The following TACR3 variants were observed in gnomAD, a reference collection of about 807,000 sequenced individuals.
TACR3 encodes the protein neuromedin-K receptor.
TACR3 carries 34 observed loss-of-function variants against 35.0 expected under a neutral mutation model. The observed-to-expected ratio is 0.97, with a 90% CI of 0.74 to 1.30. TACR3 has a LOEUF of 1.30. Among genes scored for constraint, TACR3 ranks in the 50% most tolerant of loss-of-function variants. The pLI is 0.00. For synonymous variants in TACR3, 233 were observed against 221.1 expected, an observed-to-expected ratio of 1.05 and a Z score of -0.48; for missense variants, 558 against 591.7, an observed-to-expected ratio of 0.94 and a Z score of 0.59.
intron 1 of TACR3, among the ~76,000 whole-genome samples, chr4:103,664,697 T>C (rs2110333527): frequency 6.6e-6 from 1 of 152,308 alleles, no homozygotes; most frequent in East Asian, 1.9e-4. Context: ...AGTGCTAGGG[T>C]ATTTTCTGCT....
intron 1 of TACR3, among the ~76,000 whole-genome samples, chr4:103,712,691 C>G (rs372887386): frequency 6.6e-6 from 1 of 151,970 alleles, no homozygotes; most frequent in African/African-American, 2.4e-5. Flanking sequence ...ACAGGCAACC[C>G]ACAGAATGGG....
intron 1 of TACR3, among the ~76,000 whole-genome samples, chr4:103,707,728 G>A (rs569442228): frequency 1.3e-5 from 2 of 152,224 alleles, no homozygotes; most frequent in African/African-American, 4.8e-5. Flanking sequence ...GAAGCACAAG[G>A]GGTCAGGGAA....
intron 3 of TACR3, among the ~76,000 whole-genome samples, chr4:103,606,343 T>C (rs1724362507): frequency 6.6e-6 from 1 of 152,152 alleles, no homozygotes; most frequent in East Asian, 1.9e-4. Flanking sequence ...TTAAAGTAGT[T>C]TTTTCCAATT....
intron 1 of TACR3, among the ~76,000 whole-genome samples, chr4:103,712,077 A>G (rs1430794165): frequency 6.6e-6 from 1 of 152,184 alleles, no homozygotes; most frequent in Non-Finnish European, 1.5e-5. Flanking sequence ...GCCCAAGGTA[A>G]TTTATAGATT....
rs886058978 is a variant in TACR3 at position 103,719,761 on chromosome 4, G to T, written c.-86C>A. 1.3e-6 allele frequency: 2 copies of T among 1,533,678 alleles called. No individual in the cohort carries two copies. The highest frequency in any genetic ancestry group is 1.8e-6 in the Non-Finnish European group (2 of 1,130,206). On this transcript the variant is annotated 5_prime_UTR_variant, in exon 1 of 5. Transcript: ENST00000304883. ...CCTCTGAAGTTCTTCTCTGCCTCCT[G>T]GTCACTTTGGTGCCGGAGTCTTCAG...
chr4:103,591,953 A>G (rs932230912), intron 3 of TACR3, among the ~76,000 whole-genome samples: 15 of 152,196 alleles, frequency 9.9e-5, no homozygotes, highest in Admixed American at 9.2e-4. Flanking sequence ...TGGCCTGAAG[A>G]AAATCAGTGT....
intron 1 of TACR3, among the ~76,000 whole-genome samples, chr4:103,717,514 A>G (rs1723115370): frequency 6.6e-6 from 1 of 152,208 alleles, no homozygotes; most frequent in Non-Finnish European, 1.5e-5. Flanking sequence ...AATTGGAAAG[A>G]GAAAAATACA....
chr4:103,615,636 A>G (rs1056168888), intron 3 of TACR3, among the ~76,000 whole-genome samples: 1 of 152,178 alleles, frequency 6.6e-6, no homozygotes, highest in East Asian at 1.9e-4. Flanking sequence ...AGAAAGAAAA[A>G]GACTAAATGT....
intron 3 of TACR3, among the ~76,000 whole-genome samples, chr4:103,638,247 G>C (rs1349319755): frequency 6.6e-6 from 1 of 151,096 alleles, no homozygotes. Flanking sequence ...CAGAGATATA[G>C]ACCAATGGAA....
At chr4:103,698,201 T>C (rs1286685096) in intron 1 of TACR3, among the ~76,000 whole-genome samples, 1 of 138,674 alleles carries the variant, frequency 7.2e-6, no homozygotes, top group Non-Finnish European at 1.5e-5. Flanking sequence ...TAGTTAGCTA[T>C]GGGAAAAAAA....
intron 3 of TACR3, chr4:103,624,194 T>C (rs994839387): frequency 5.3e-5 from 8 of 152,180 alleles, no homozygotes; most frequent in African/African-American, 1.7e-4. Context: ...TCTTTTATGA[T>C]GCTGTTTTTC....
intron 3 of TACR3, among the ~76,000 whole-genome samples, chr4:103,635,154 A>G (rs1219933147): frequency 1.3e-5 from 2 of 152,020 alleles, no homozygotes; most frequent in Admixed American, 6.6e-5. Context: ...ACTACTACAT[A>G]TAAACATGAC....
At chr4:103,636,161 C>A (rs952605590) in intron 3 of TACR3, among the ~76,000 whole-genome samples, 1 of 151,294 alleles carries the variant, frequency 6.6e-6, no homozygotes, top group African/African-American at 2.4e-5. Flanking sequence ...GGTTAATTAA[C>A]TAAGGAGAAT....
At position 103,587,508 on chromosome 4, in the gene TACR3, A is replaced by G. The variant is rs1723793045; in HGVS notation, c.*2174T>C. ...AGGCCAGTATTTTTCCTTAGAAATA[A>G]ATGTCTTAGAAAATTCTACTGAATT... On this transcript the variant is annotated 3_prime_UTR_variant, in exon 5 of 5. Transcript: ENST00000304883. 1 of 152,094 alleles carries G rather than the reference A, an allele frequency of 6.6e-6. No homozygotes were observed. Among genetic ancestry groups the G allele is most frequent in the Non-Finnish European group, 1.5e-5 (1 of 67,990 alleles). 9.4% of individuals were successfully genotyped at this position (152,094 alleles called of 1,614,324 possible). A position where few individuals can be genotyped will look rare whatever the true frequency, so the allele number is the denominator to read the frequency against.
At chr4:103,659,645 G>A (rs1262700754) in intron 1 of TACR3, among the ~76,000 whole-genome samples, 2 of 152,106 alleles carry the variant, frequency 1.3e-5, no homozygotes, top group African/African-American at 4.8e-5. Context: ...ATATAACACT[G>A]TTGTAACGGA....
At chr4:103,615,398 T>TGTGAGAGA (rs367881970) in intron 3 of TACR3, among the ~76,000 whole-genome samples, 19 of 117,230 alleles carry the variant, frequency 1.6e-4, no homozygotes, top group South Asian at 2.9e-4. Flanking sequence ...TGTGTGTGTG[T>TGTGAGAGA]GAGAGAGAGA....
chr4:103,719,257 A>G lies in TACR3; in HGVS notation c.419T>C (p.Leu140Ser), dbSNP rs770367777. The change falls in exon 1 of 5, where the codon TTG becomes TCG. Residue 140 changes from leucine (L) to serine (S), a missense_variant. Physicochemically the swap from Leu to Ser is moderately radical, Grantham distance 145. Coordinates refer to ENST00000304883, the MANE Select transcript of TACR3 (RefSeq NM_001059.3). ...SDASMAAFNT[L>S]VNFIYALHSE... ...ATGAAGCGCGTAGATGAAATTGACC[A>G]ACGTGTTGAAGGCGGCCATGGAGGC... 6.2e-6 allele frequency: 10 copies of G among 1,614,212 alleles called. No individual in the cohort carries two copies. The Admixed American group carries it at 1.5e-4, about 24-fold the overall frequency.
chr4:103,701,454 T>C (rs555262983), intron 1 of TACR3, among the ~76,000 whole-genome samples: 19 of 151,744 alleles, frequency 1.3e-4, no homozygotes, highest in East Asian at 9.7e-4. Context: ...GAATCAATAT[T>C]GTGAAAATGG....
At chr4:103,701,183 T>C (rs188155313) in intron 1 of TACR3, among the ~76,000 whole-genome samples, 9,148 of 152,212 alleles carry the variant, frequency 0.06, 388 homozygotes, top group South Asian at 0.1. Context: ...CTCAAGCTGA[T>C]AGGCAACTTC....
Sources: allele counts gnomAD v4.1 joint callset (sites outside exome capture counted in the v4.1 genomes callset), GRCh38; gene constraint gnomAD v4.1.1; transcripts MANE v1.5; gene names NCBI Gene and HGNC (gene_info 2026-07-23, HGNC 2026-07-21).